TENM4: variants seen among roughly 807,000 people sequenced by gnomAD.
TENM4 encodes the protein teneurin transmembrane protein 4.
Under a neutral mutation model 243.3 loss-of-function variants are expected in TENM4, and 82 were observed. The observed-to-expected ratio is 0.34, with a 90% confidence interval of 0.28 to 0.40. The LOEUF is 0.40. TENM4 is among the 10% of genes least tolerant of loss of function. The probability of loss-of-function intolerance (pLI) is 1.00; values close to 1 mark genes in which losing one functional copy is unlikely to be tolerated. For missense variants in TENM4, 3,138 were observed against 3,673.3 expected (o/e 0.85, Z 3.77); for synonymous variants, 1,412 against 1,456.3 (o/e 0.97, Z 0.69).
At chr11:79,330,340 GCA>G in intron 1 of TENM4, among the ~76,000 whole-genome samples, 1 of 152,296 alleles carries the variant, frequency 6.6e-6, no homozygotes, top group African/African-American at 2.4e-5. Context: ...GTGATGCGAA[GCA>G]CAGAGAAGCC....
At chr11:79,291,451 G>A (rs2135382196) in intron 2 of TENM4, among the ~76,000 whole-genome samples, 1 of 152,290 alleles carries the variant, frequency 6.6e-6, no homozygotes, top group East Asian at 1.9e-4. Flanking sequence ...TGGTCATGGG[G>A]GGGTGTGCCA....
At position 78,676,377 on chromosome 11, in the gene TENM4, C is replaced by A; in HGVS notation, c.5271G>T (p.Arg1757=). ...CATCGGCCCCGATGTAGTAGCTGTT[C>A]CGGACTTGGTCTGCAGGAGAGGACA... ...AFYTLLQDQV[R]NSYYIGADGS... Residue 1757 remains arginine, a synonymous_variant, in exon 30 of 34, where the codon CGG becomes CGT. Coordinates refer to ENST00000278550, the MANE Select transcript of TENM4 (RefSeq NM_001098816.3). The A allele has an allele frequency of 6.3e-7, 1 of 1,596,100 alleles. No individual in the cohort carries two copies. Among genetic ancestry groups the A allele is most frequent in the South Asian group, 1.1e-5 (1 of 90,112 alleles).
intron 3 of TENM4, among the ~76,000 whole-genome samples, chr11:79,168,327 C>T (rs1862961929): frequency 2.0e-5 from 3 of 152,102 alleles, no homozygotes; most frequent in East Asian, 1.9e-4. Context: ...GTGGTGGGTG[C>T]TGTGACACAG....
chr11:79,139,945 A>G (rs1467566982), intron 4 of TENM4, among the ~76,000 whole-genome samples: 1 of 150,402 alleles, frequency 6.6e-6, no homozygotes, highest in Non-Finnish European at 1.5e-5. Flanking sequence ...AGATGGAACC[A>G]ACATTCCTTA....
chr11:79,288,631 C>T (rs1033399521), intron 2 of TENM4, among the ~76,000 whole-genome samples: 1 of 152,204 alleles, frequency 6.6e-6, no homozygotes, highest in Non-Finnish European at 1.5e-5. Flanking sequence ...TCTTCAGATC[C>T]ATGATAACAC....
intron 1 of TENM4, among the ~76,000 whole-genome samples, chr11:79,395,358 T>C (rs755777888): frequency 6.6e-6 from 1 of 152,206 alleles, no homozygotes; most frequent in African/African-American, 2.4e-5. Flanking sequence ...GGGCCAGGCA[T>C]TGAGGATCCA....
At chr11:78,866,085 T>C (rs910065617) in intron 9 of TENM4, among the ~76,000 whole-genome samples, 1 of 152,242 alleles carries the variant, frequency 6.6e-6, no homozygotes, top group Non-Finnish European at 1.5e-5. Flanking sequence ...TGCTCTCCTC[T>C]ACCTCCTATG....
At chr11:78,795,774 C>G (rs1206725976) in intron 15 of TENM4, among the ~76,000 whole-genome samples, 1 of 152,140 alleles carries the variant, frequency 6.6e-6, no homozygotes, top group African/African-American at 2.4e-5. Flanking sequence ...AGTATGGCAC[C>G]CACGCTGTCT....
In TENM4 at chr11:78,875,134, AGTGC is replaced by A. The variant is rs1458868541; in HGVS notation, c.1085-12006_1085-12003del. On this transcript the variant is annotated intron_variant, in intron 9 of 33. Transcript: ENST00000278550. ...TTGGGTGCAAACCGCCGCCCCAGTC[AGTGC>A]ACATGTGCATGGCAGTGCTGGCACA... is the stretch of plus-strand genomic sequence containing the variant. Among the ~76,000 whole-genome samples, 513 of 152,354 alleles carry A rather than the reference AGTGC, an allele frequency of 3.4e-3. 3 individuals are homozygous for A. The highest frequency in any genetic ancestry group is 0.012 in the African/African-American group (483 of 41,574).
intron 4 of TENM4, among the ~76,000 whole-genome samples, chr11:79,091,561 C>G (rs1860950327): frequency 1.3e-5 from 2 of 152,308 alleles, no homozygotes; most frequent in East Asian, 3.9e-4. Flanking sequence ...TGCCTAAAGT[C>G]TTGCTACTCA....
chr11:79,370,658 T>A (rs1217063246), intron 1 of TENM4, among the ~76,000 whole-genome samples: 1 of 151,914 alleles, frequency 6.6e-6, no homozygotes, highest in Non-Finnish European at 1.5e-5. Flanking sequence ...TCCTGTCCTC[T>A]CTGTGAGTTA....
chr11:79,181,244 T>C (rs1040584390), intron 3 of TENM4, among the ~76,000 whole-genome samples: 1 of 152,174 alleles, frequency 6.6e-6, no homozygotes, highest in Admixed American at 6.5e-5. Context: ...CTACACACCA[T>C]GACTAAATGG....
chr11:78,870,305 C>T (rs1310259151), intron 9 of TENM4, among the ~76,000 whole-genome samples: 1 of 152,162 alleles, frequency 6.6e-6, no homozygotes, highest in East Asian at 1.9e-4. Context: ...TGTGATACTG[C>T]CTTTTTCTTC....
intron 6 of TENM4, among the ~76,000 whole-genome samples, chr11:78,930,916 A>G (rs573184272): frequency 2.0e-5 from 3 of 152,104 alleles, no homozygotes; most frequent in Non-Finnish European, 4.4e-5. Flanking sequence ...TTGGGCCCAG[A>G]CTTCATACGG....
At chr11:78,693,024 G>A (rs1220856139) in intron 28 of TENM4, among the ~76,000 whole-genome samples, 1 of 152,074 alleles carries the variant, frequency 6.6e-6, no homozygotes, top group Admixed American at 6.5e-5. Context: ...GCTCCATGAG[G>A]ACAGAGACCT....
intron 19 of TENM4, among the ~76,000 whole-genome samples, chr11:78,750,531 G>A (rs75835808): frequency 5.1e-4 from 77 of 152,340 alleles, no homozygotes; most frequent in African/African-American, 1.8e-3. Context: ...TGTGTTACAT[G>A]CTGGAGAAGC....
intron 1 of TENM4, among the ~76,000 whole-genome samples, chr11:79,326,755 C>T (rs534548994): frequency 6.6e-6 from 1 of 152,258 alleles, no homozygotes; most frequent in Non-Finnish European, 1.5e-5. Context: ...TGTCCCGTTC[C>T]CTAGAGCTTT....
chr11:78,849,586 CTGAATGAATGAA>C (rs755083697), intron 12 of TENM4, among the ~76,000 whole-genome samples: 1 of 152,126 alleles, frequency 6.6e-6, no homozygotes, highest in Non-Finnish European at 1.5e-5. Flanking sequence ...TAAATATTTG[CTGAATGAATGAA>C]TGAATGAATA....
rs1197200987 is a variant in TENM4 at position 78,658,298 on chromosome 11, G to C, written c.8070C>G (p.Val2690=). The stretch of plus-strand genomic sequence containing the variant: ...CGGCTCTCTGCCGGGCCAGCTCCAG[G>C]ACCCGTGCCTTCTCCTCATCCAACG... ...GTTLDEEKAR[V]LELARQRAVR... The change falls in exon 34 of 34, where the codon GTC becomes GTG. Residue 2690 remains valine (V), a synonymous_variant. Coordinates refer to ENST00000278550, the MANE Select transcript of TENM4 (RefSeq NM_001098816.3). 1.9e-6 allele frequency: 3 copies of C among 1,612,996 alleles called. No individual in the cohort carries two copies. The highest frequency in any genetic ancestry group is 2.5e-6 in the Non-Finnish European group (3 of 1,179,206).
Sources: gnomAD v4.1 joint callset for allele counts (sites outside exome capture counted in the v4.1 genomes callset) on GRCh38, gnomAD v4.1.1 for gene constraint, MANE v1.5 for transcripts, NCBI Gene and HGNC (gene_info 2026-07-23, HGNC 2026-07-21) for gene names.